Variants in TUBB8B observed in about 807,000 individuals in gnomAD.
The protein encoded by TUBB8B is tubulin beta 8B.
TUBB8B carries 26 observed loss-of-function variants against 31.9 expected under a neutral mutation model. The observed-to-expected ratio is 0.81, with a 90% CI of 0.60 to 1.13. TUBB8B has a LOEUF of 1.13. TUBB8B is among the 50% of genes most tolerant of loss of function. The pLI, the probability that TUBB8B is intolerant of heterozygous loss-of-function variation, is 0.00. For synonymous variants in TUBB8B, 173 were observed against 231.0 expected, an observed-to-expected ratio of 0.75 and a Z score of 2.28; for missense variants, 467 against 586.7, an observed-to-expected ratio of 0.80 and a Z score of 2.11.
the TUBB8B span, among the ~76,000 whole-genome samples, chr18:70,648 A>AAG: frequency 1.4e-5 from 2 of 139,616 alleles, no homozygotes; most frequent in African/African-American, 5.5e-5. Context: ...AAAGAAAAAG[A>AAG]AAAAAGAAAA....
Position 48,354 on chromosome 18 carries a change from G to T in TUBB8B, c.371C>A (p.Ala124Asp). 1 of 1,611,200 alleles carries T rather than the reference G, an allele frequency of 6.2e-7. No homozygotes were observed. The highest frequency in any genetic ancestry group is 8.5e-7 in the Non-Finnish European group (1 of 1,177,660). Residue 124 changes from alanine to aspartate, a missense_variant, in exon 4 of 4, where the codon GCT (alanine) becomes GAT (aspartate). Physicochemically the swap from Ala to Asp is moderately radical, Grantham distance 126. Around this residue, in one of 2 missense-constraint regions of TUBB8B, gnomAD observed 259 missense variants for 380.1 expected, o/e 0.68. Transcript: ENST00000308911. ...ACCCTGCAGGCAGTCACAGCTCTCA[G>T]CCTCCTTTCTGACAACGTCCATCAC... ...ESVMDVVRKE[A>D]ESCDCLQGFQ...
rs199980273 is a variant in TUBB8B, at chr18:47,973, C to T, written c.752G>A (p.Arg251Gln). 18,274 of 1,610,960 alleles carry T rather than the reference C, an allele frequency of 0.011. 22 individuals carry two copies. The highest frequency in any genetic ancestry group is 0.014 in the Non-Finnish European group (16,109 of 1,179,236). ...RFPGQLNADL[R>Q]KLAVNMVPFP... ...CGGGACCATGTTCACGGCCAGCTTCCGCAGGTCAGCATTCAGCTGGCCTGG... is the reference window on the plus strand; with the variant it reads ...CGGGACCATGTTCACGGCCAGCTTCTGCAGGTCAGCATTCAGCTGGCCTGG... The change falls in exon 4 of 4, where the codon CGG becomes CAG. Residue 251 changes from arginine (R) to glutamine (Q), a missense_variant. Transcript: ENST00000308911.
the TUBB8B span, among the ~76,000 whole-genome samples, chr18:72,138 A>T: frequency 6.9e-6 from 1 of 144,492 alleles, no homozygotes; most frequent in Non-Finnish European, 1.5e-5. Flanking sequence ...AGATCACGCC[A>T]CTGCACTCCA....
upstream of TUBB8B, chr18:50,271 G>A (rs3016688): frequency 1.3e-5 from 1 of 79,108 alleles, no homozygotes; most frequent in Admixed American, 1.4e-4. Flanking sequence ...TTAGATTACC[G>A]AAACTGAGGA....
At chr18:58,897 C>G in the TUBB8B span, among the ~76,000 whole-genome samples, 1 of 151,690 alleles carries the variant, frequency 6.6e-6, no homozygotes, top group African/African-American at 2.4e-5. Flanking sequence ...TCTGGGAAGG[C>G]CTCTGGAAGT....
chr18:49,141 G>A lies in TUBB8B; in HGVS notation c.154C>T (p.His52Tyr), dbSNP rs746783264. 5.8e-5 allele frequency: 87 copies of A among 1,505,638 alleles called. No homozygotes were observed. Among genetic ancestry groups the A allele is most frequent in the Non-Finnish European group, 7.2e-5 (80 of 1,111,104 alleles). 93.3% of individuals were successfully genotyped at this position (1,505,638 alleles called of 1,614,324 possible). ...LQLERINVHHHEASGGRYVPR... is the reference protein window; with the variant it reads ...LQLERINVHHYEASGGRYVPR... ...ACGGGGGTCGCACCGCTGGCCTCGTGGTGGTGCACGTTGATGCGCTCCAGC... is the reference window on the plus strand; with the variant it reads ...ACGGGGGTCGCACCGCTGGCCTCGTAGTGGTGCACGTTGATGCGCTCCAGC... Residue 52 changes from histidine to tyrosine, a missense_variant, in exon 2 of 4, where the codon CAC becomes TAC. By Grantham distance (83) the His-to-Tyr change is moderately conservative. Coordinates refer to ENST00000308911, the MANE Select transcript of TUBB8B (RefSeq NM_001358689.2).
the TUBB8B span, among the ~76,000 whole-genome samples, chr18:68,386 C>T: frequency 6.6e-6 from 1 of 152,202 alleles, no homozygotes; most frequent in Non-Finnish European, 1.5e-5. Flanking sequence ...AATCCACAGA[C>T]CCATTTCACT....
the TUBB8B span, among the ~76,000 whole-genome samples, chr18:63,557 G>C: frequency 6.6e-6 from 1 of 151,380 alleles, no homozygotes; most frequent in Non-Finnish European, 1.5e-5. Flanking sequence ...CATAGAACTT[G>C]GTCTCACCCA....
chr18:66,482 T>C, the TUBB8B span, among the ~76,000 whole-genome samples: 20 of 146,058 alleles, frequency 1.4e-4, no homozygotes, highest in African/African-American at 5.2e-4. Context: ...GCCCCGGAGA[T>C]AGAGGCTGAA....
the TUBB8B span, among the ~76,000 whole-genome samples, chr18:61,523 C>A: frequency 2.0e-5 from 3 of 147,212 alleles, no homozygotes; most frequent in African/African-American, 8.0e-5. Context: ...TCTCATTGTT[C>A]TTTTCTTTCT....
At chr18:66,465 C>T in the TUBB8B span, among the ~76,000 whole-genome samples, 17 of 146,716 alleles carry the variant, frequency 1.2e-4, no homozygotes, top group South Asian at 3.6e-3. Flanking sequence ...GCGGGAGGAT[C>T]ACTTGAGCCC....
chr18:68,331 C>T, the TUBB8B span, among the ~76,000 whole-genome samples: 3 of 152,226 alleles, frequency 2.0e-5, no homozygotes, highest in Admixed American at 6.5e-5. Flanking sequence ...CTAACCACCA[C>T]GTAACTCCCA....
In TUBB8B at chr18:47,735, C is replaced by CAT; in HGVS notation, c.988_989dup (p.Met330IlefsTer21). 6.2e-7 allele frequency: 1 copy of CAT among 1,611,002 alleles called. No homozygotes were observed. The highest frequency in any genetic ancestry group is 8.5e-7 in the Non-Finnish European group (1 of 1,178,730). On this transcript the variant is annotated frameshift_variant, in exon 4 of 4. Coordinates refer to ENST00000308911, the MANE Select transcript of TUBB8B (RefSeq NM_001358689.2). LOFTEE classifies it high-confidence loss of function. The stretch of plus-strand genomic sequence containing the variant: ...TGCTGTTCTTATCTTGAATGTTGAA[C>CAT]ATTTGTTCATCCACCTCCCTCATGG...
the TUBB8B span, chr18:73,230 C>G: frequency 6.4e-6 from 1 of 155,912 alleles, no homozygotes; most frequent in South Asian, 2.1e-4. Flanking sequence ...AAAGTGAAGC[C>G]CAGGTACAAA....
At chr18:52,568 T>C (rs1323629168), upstream of TUBB8B, among the ~76,000 whole-genome samples, 2 of 151,644 alleles carry the variant, frequency 1.3e-5, no homozygotes, top group African/African-American at 2.4e-5. Context: ...CCAACCTGAA[T>C]GGCTTCGCAA....
the TUBB8B span, among the ~76,000 whole-genome samples, chr18:62,569 C>T: frequency 2.8e-3 from 429 of 151,580 alleles, 14 homozygotes; most frequent in Admixed American, 5.4e-3. Flanking sequence ...CAGGCACCCA[C>T]CACCACGCCC....
Position 48,252 on chromosome 18 carries a change from T to TC in TUBB8B, c.472dup (p.Glu158GlyfsTer41), listed in dbSNP as rs1680226681. On this transcript the variant is annotated frameshift_variant, in exon 4 of 4. Coordinates refer to ENST00000308911, the MANE Select transcript of TUBB8B (RefSeq NM_001358689.2). LOFTEE classifies it high-confidence loss of function. ...TGTGTTTATGATCCTGTCTGGGTAC[T>TC]CCTCCCGGATCTTACTAATGAGAAG... 1.9e-6 allele frequency: 3 copies of TC among 1,612,530 alleles called. No homozygotes were observed. The South Asian group carries it at 3.3e-5, about 18-fold the overall frequency.
At chr18:63,172 G>A in the TUBB8B span, among the ~76,000 whole-genome samples, 4 of 151,610 alleles carry the variant, frequency 2.6e-5, no homozygotes, top group Non-Finnish European at 4.4e-5. Context: ...TGTTTTCCTG[G>A]ATGGCCTTGA....
chr18:68,026 C>T, the TUBB8B span, among the ~76,000 whole-genome samples: 17 of 152,168 alleles, frequency 1.1e-4, no homozygotes, highest in African/African-American at 2.2e-4. Context: ...ATATTGCAGC[C>T]GCAATACTGA....
Sources: gnomAD v4.1 joint callset for allele counts (sites outside exome capture counted in the v4.1 genomes callset) on GRCh38, gnomAD v4.1.1 for gene constraint, gnomAD v4.1.1 regional missense constraint, MANE v1.5 for transcripts, NCBI Gene and HGNC (gene_info 2026-07-23, HGNC 2026-07-21) for gene names.